Variants in MEGF11 observed in about 807,000 individuals in gnomAD.
The protein encoded by MEGF11 is multiple epidermal growth factor-like domains protein 11.
MEGF11 carries 126 observed loss-of-function variants against 146.6 expected under a neutral mutation model. The ratio of observed to expected loss-of-function variants is 0.86; its 90% confidence interval spans 0.74 to 1.00. The LOEUF (loss-of-function observed/expected upper bound fraction) is 1.00. MEGF11 is among the 50% of genes least tolerant of loss of function. The pLI, the probability that MEGF11 is intolerant of heterozygous loss-of-function variation, is 0.00. For missense variants in MEGF11, 1,509 were observed against 1,521.2 expected, an observed-to-expected ratio of 0.99 and a Z score of 0.13; for synonymous variants, 532 against 583.4, an observed-to-expected ratio of 0.91 and a Z score of 1.27.
chr15:66,042,373 G>A (rs1395984740), intron 5 of MEGF11, among the ~76,000 whole-genome samples: 1 of 152,126 alleles, frequency 6.6e-6, no homozygotes, highest in African/African-American at 2.4e-5. Flanking sequence ...GCCTCCCAAA[G>A]TGCTGGGATT....
chr15:66,136,610 A>C (rs115036453), intron 1 of MEGF11, among the ~76,000 whole-genome samples: 1,997 of 152,366 alleles, frequency 0.013, 43 homozygotes, highest in African/African-American at 0.045. Context: ...AAAGGTTGTC[A>C]ATATAGATAA....
intron 5 of MEGF11, among the ~76,000 whole-genome samples, chr15:66,041,987 G>C (rs539087489): frequency 1.2e-4 from 18 of 152,222 alleles, no homozygotes; most frequent in African/African-American, 4.3e-4. Context: ...CTGATCATAA[G>C]GGTTCATGTA....
intron 5 of MEGF11, among the ~76,000 whole-genome samples, chr15:65,990,704 AAAGGAAGG>A (rs1180448913): frequency 1.2e-3 from 77 of 64,096 alleles, no homozygotes; most frequent in Admixed American, 6.4e-3. Flanking sequence ...AGAAAGAAAG[AAAGGAAGG>A]AAGAAAGAAA....
intron 1 of MEGF11, among the ~76,000 whole-genome samples, chr15:66,149,109 CTCAATGA>C (rs1331635627): frequency 6.6e-6 from 1 of 152,224 alleles, no homozygotes; most frequent in Non-Finnish European, 1.5e-5. Flanking sequence ...CTGGCTCCCA[CTCAATGA>C]TCCTTTCTGG....
At chr15:66,156,695 G>T (rs1410351423) in intron 1 of MEGF11, among the ~76,000 whole-genome samples, 10 of 152,120 alleles carry the variant, frequency 6.6e-5, no homozygotes, top group Admixed American at 6.5e-4. Flanking sequence ...GTTAACCAGG[G>T]CTAGACACTA....
chr15:66,040,859 A>C (rs1300421300), intron 5 of MEGF11, among the ~76,000 whole-genome samples: 1 of 152,044 alleles, frequency 6.6e-6, no homozygotes, highest in Non-Finnish European at 1.5e-5. Context: ...AATGGGGCTG[A>C]AATCTAGTCC....
At chr15:66,169,188 G>T (rs1022227944) in intron 1 of MEGF11, among the ~76,000 whole-genome samples, 26 of 152,224 alleles carry the variant, frequency 1.7e-4, no homozygotes, top group African/African-American at 5.5e-4. Context: ...TGCACAGACC[G>T]CAGCGTCCTG....
At chr15:65,923,094 G>A in intron 13 of MEGF11, 125 bp from the exon 14 acceptor site, 1 of 1,022,248 alleles carries the variant, frequency 9.8e-7, no homozygotes, top group Non-Finnish European at 1.4e-6. Flanking sequence ...GGAATGTAGA[G>A]GAGAAACCCG....
At chr15:66,029,815 C>T (rs2083455740) in intron 5 of MEGF11, among the ~76,000 whole-genome samples, 1 of 152,226 alleles carries the variant, frequency 6.6e-6, no homozygotes, top group Non-Finnish European at 1.5e-5. Context: ...TTCCGGCTTC[C>T]ACTGCCTATG....
intron 10 of MEGF11, among the ~76,000 whole-genome samples, chr15:65,938,391 A>C (rs1308701282): frequency 6.6e-6 from 1 of 152,218 alleles, no homozygotes; most frequent in African/African-American, 2.4e-5. Flanking sequence ...CCCTGTTGAT[A>C]TGGAAAGTGC....
chr15:65,914,596 A>G (rs776498302), intron 19 of MEGF11, among the ~76,000 whole-genome samples: 6 of 152,140 alleles, frequency 3.9e-5, no homozygotes, highest in Non-Finnish European at 8.8e-5. Context: ...CCCACCCTCC[A>G]TGCTGATGCT....
At chr15:66,234,498 A>G (rs141115067) in intron 1 of MEGF11, among the ~76,000 whole-genome samples, 292 of 152,314 alleles carry the variant, frequency 1.9e-3, no homozygotes, top group African/African-American at 5.7e-3. Context: ...CAGGCTGTCA[A>G]ACTAGACAGA....
chr15:66,089,305 G>C (rs903300956), intron 5 of MEGF11, among the ~76,000 whole-genome samples: 2 of 152,192 alleles, frequency 1.3e-5, no homozygotes, highest in African/African-American at 2.4e-5. Flanking sequence ...GGGAGTAGGG[G>C]AGCAATTCTG....
intron 23 of MEGF11, among the ~76,000 whole-genome samples, chr15:65,907,965 T>C (rs941114346): frequency 2.6e-5 from 4 of 152,254 alleles, no homozygotes; most frequent in Admixed American, 2.6e-4. Flanking sequence ...GGGAGAAATC[T>C]GGCCTAGTTC....
chr15:66,130,619 GGAAA>G (rs1173658721), intron 1 of MEGF11, among the ~76,000 whole-genome samples: 1 of 142,936 alleles, frequency 7.0e-6, no homozygotes, highest in African/African-American at 2.6e-5. Flanking sequence ...GGAAAGGAAA[GGAAA>G]GAAAGAAGAA....
chr15:65,962,798 G>A (rs1229004596), intron 9 of MEGF11, among the ~76,000 whole-genome samples: 1 of 152,158 alleles, frequency 6.6e-6, no homozygotes, highest in Non-Finnish European at 1.5e-5. Context: ...AGGTGGTGAT[G>A]CAGACTCAGA....
intron 1 of MEGF11, among the ~76,000 whole-genome samples, chr15:66,200,031 G>A (rs1313703061): frequency 6.6e-6 from 1 of 152,198 alleles, no homozygotes; most frequent in Non-Finnish European, 1.5e-5. Flanking sequence ...AAATGCAAAA[G>A]CAGATCTATA....
At chr15:65,980,138 T>A (rs1163907952) in intron 7 of MEGF11, among the ~76,000 whole-genome samples, 2 of 152,196 alleles carry the variant, frequency 1.3e-5, no homozygotes, top group African/African-American at 2.4e-5. Context: ...TTCTGCCACC[T>A]CTGGCCCAGG....
chr15:65,949,888 T>C (rs1413075478), intron 10 of MEGF11, among the ~76,000 whole-genome samples: 1 of 152,120 alleles, frequency 6.6e-6, no homozygotes. Flanking sequence ...CAGAGGAGCA[T>C]GGTGGAGCCG....
Sources: gnomAD v4.1 joint callset for allele counts (sites outside exome capture counted in the v4.1 genomes callset) on GRCh38, gnomAD v4.1.1 for gene constraint, MANE v1.5 for transcripts, NCBI Gene and HGNC (gene_info 2026-07-23, HGNC 2026-07-21) for gene names.